The following VPS13C variants were observed in gnomAD, a reference collection of about 807,000 sequenced individuals.
VPS13C encodes the protein vacuolar protein sorting 13 homolog C.
In VPS13C, 358 loss-of-function variants were observed where a neutral mutation model predicts 456.8. The observed-to-expected ratio is 0.78, with a 90% CI of 0.72 to 0.86. VPS13C has a LOEUF of 0.86. Ranked by LOEUF, VPS13C falls within the 40% of genes least tolerant of loss-of-function variation. VPS13C has a pLI of 0.00. For synonymous variants in VPS13C, 1,578 were observed against 1,486.7 expected, an observed-to-expected ratio of 1.06 and a Z score of -1.41; for missense variants, 4,818 against 4,385.4, an observed-to-expected ratio of 1.10 and a Z score of -2.79.
At chr15:61,997,652 A>C (rs1453185864) in intron 16 of VPS13C, among the ~76,000 whole-genome samples, 1 of 152,148 alleles carries the variant, frequency 6.6e-6, no homozygotes, top group Non-Finnish European at 1.5e-5. Context: ...AAATATTTAA[A>C]GGCATTTTTT....
At chr15:61,923,298 A>T (rs1273039442) in intron 53 of VPS13C, among the ~76,000 whole-genome samples, 1 of 151,854 alleles carries the variant, frequency 6.6e-6, no homozygotes, top group African/African-American at 2.4e-5. Context: ...TTACCCCAAG[A>T]TCTATAAATC....
intron 5 of VPS13C, among the ~76,000 whole-genome samples, chr15:62,033,169 T>G (rs751039723): frequency 9.9e-5 from 15 of 151,546 alleles, no homozygotes; most frequent in African/African-American, 3.4e-4. Flanking sequence ...TACTGAAAAT[T>G]TGGAAAGTCT....
chr15:61,958,942 A>T (rs186391276), intron 36 of VPS13C, among the ~76,000 whole-genome samples: 170 of 152,170 alleles, frequency 1.1e-3, no homozygotes, highest in Non-Finnish European at 1.9e-3. Context: ...GTAATTTATC[A>T]GTCAGTATTG....
intron 37 of VPS13C, 34 bp downstream of exon 37, chr15:61,958,574 A>G: frequency 8.8e-7 from 1 of 1,136,020 alleles, no homozygotes. Flanking sequence ...AAATAGACAC[A>G]TATGTATATT....
At chr15:62,012,015 C>T in intron 12 of VPS13C, 92 bp downstream of exon 12, 2 of 771,222 alleles carry the variant, frequency 2.6e-6, no homozygotes, top group East Asian at 3.0e-5. Context: ...TATACTTTGA[C>T]TAAGTAAGTT....
At chr15:61,993,655 C>T (rs1214614787) in intron 16 of VPS13C, among the ~76,000 whole-genome samples, 1 of 151,988 alleles carries the variant, frequency 6.6e-6, no homozygotes, top group Non-Finnish European at 1.5e-5. Flanking sequence ...ATTAGGAAAG[C>T]ACACAATCAA....
chr15:62,049,257 G>A (rs1346600334), intron 1 of VPS13C, among the ~76,000 whole-genome samples: 3 of 151,984 alleles, frequency 2.0e-5, no homozygotes, highest in African/African-American at 7.3e-5. Flanking sequence ...TAAGTCTTTA[G>A]TCCATCTTGA....
At chr15:61,882,819 AT>A in intron 68 of VPS13C, 83 bp from the exon 69 acceptor site, 1 of 1,390,378 alleles carries the variant, frequency 7.2e-7, no homozygotes. Flanking sequence ...TATTGATCAA[AT>A]TGAAAAAATC....
At chr15:62,056,343 G>C (rs1274448722) in intron 1 of VPS13C, among the ~76,000 whole-genome samples, 1 of 152,052 alleles carries the variant, frequency 6.6e-6, no homozygotes, top group African/African-American at 2.4e-5. Context: ...TCATAACCTA[G>C]GAAAAACCAG....
In VPS13C at chr15:61,863,777, T is replaced by C. The variant is rs80323312; in HGVS notation, c.10864-249A>G. ...AAGTGGTCTTCTGGTAAAATACATTTTGTTCTGTAGTAACTTAGAAATATT... is the reference window on the plus strand; with the variant it reads ...AAGTGGTCTTCTGGTAAAATACATTCTGTTCTGTAGTAACTTAGAAATATT... On this transcript the variant is annotated intron_variant, in intron 81 of 84. Transcript: ENST00000644861. The C allele has an allele frequency of 9.2e-3, 2,980 of 322,278 alleles. 102 individuals are homozygous for C. Among genetic ancestry groups the C allele is most frequent in the African/African-American group, 0.06 (2,756 of 46,170 alleles). 20.0% of individuals were successfully genotyped at this position (322,278 alleles called of 1,614,324 possible). A position where few individuals can be genotyped will look rare whatever the true frequency, so the allele number is the denominator to read the frequency against.
In VPS13C at chr15:61,882,844, C is replaced by A. The variant is rs547701208; in HGVS notation, c.9484-108G>T. The A allele has an allele frequency of 5.2e-5, 63 of 1,200,410 alleles. No homozygotes were observed. In the South Asian group the frequency reaches 1.2e-3, roughly 23 times the overall value. The allele number at this position is 1,200,410 out of a possible 1,614,324, so 74.4% of individuals were successfully genotyped here. Reference sequence around the variant, plus strand: ...ATTGAAAAAATCTTTATCTTTATGTCTCACCAACAGATCTATCTTAAGGTG... The same window carrying A: ...ATTGAAAAAATCTTTATCTTTATGTATCACCAACAGATCTATCTTAAGGTG... On this transcript the variant is annotated intron_variant, in intron 68 of 84. Coordinates refer to ENST00000644861, the MANE Select transcript of VPS13C (RefSeq NM_020821.3).
intron 45 of VPS13C, among the ~76,000 whole-genome samples, chr15:61,944,837 A>C (rs1216920408): frequency 6.6e-6 from 1 of 152,218 alleles, no homozygotes; most frequent in Non-Finnish European, 1.5e-5. Flanking sequence ...TTTCTTTGAA[A>C]AAAAAATATG....
intron 66 of VPS13C, chr15:61,906,795 C>A: frequency 5.9e-6 from 1 of 170,156 alleles, no homozygotes; most frequent in Non-Finnish European, 1.3e-5. Flanking sequence ...TTAATCAACT[C>A]AGCTACCTAA....
chr15:62,018,793 T>C (rs2047352100), intron 9 of VPS13C, among the ~76,000 whole-genome samples: 1 of 152,198 alleles, frequency 6.6e-6, no homozygotes, highest in Non-Finnish European at 1.5e-5. Flanking sequence ...AGGATGCTGC[T>C]GGACTCATAA....
intron 36 of VPS13C, among the ~76,000 whole-genome samples, 173 bp downstream of exon 36, chr15:61,959,275 T>C (rs2045112703): frequency 2.0e-5 from 3 of 152,136 alleles, no homozygotes. Context: ...TAAGAAATCT[T>C]AACTAAAGAT....
intron 23 of VPS13C, among the ~76,000 whole-genome samples, chr15:61,978,182 C>G (rs987399347): frequency 1.3e-5 from 2 of 151,972 alleles, no homozygotes; most frequent in African/African-American, 2.4e-5. Context: ...TCTCAGATAT[C>G]TACAAAAGTA....
intron 1 of VPS13C, among the ~76,000 whole-genome samples, chr15:62,058,713 T>C (rs1371313227): frequency 1.3e-5 from 2 of 152,180 alleles, no homozygotes; most frequent in African/African-American, 4.8e-5. Flanking sequence ...TATTGTATTG[T>C]TGGGCAAACC....
intron 16 of VPS13C, among the ~76,000 whole-genome samples, chr15:61,996,994 C>T (rs191777860): frequency 0.046 from 6,457 of 141,778 alleles, 285 homozygotes; most frequent in African/African-American, 0.11. Flanking sequence ...ATTTTACATA[C>T]ATACATATAT....
Position 61,961,876 on chromosome 15 carries a change from G to A in VPS13C, c.3621C>T (p.Phe1207=). The A allele has an allele frequency of 6.2e-7, 1 of 1,611,444 alleles. No homozygotes were observed. The highest frequency in any genetic ancestry group is 1.3e-5 in the African/African-American group (1 of 74,858). ...LMSLLNFLNN[F]QTAKESLSAA... ...CACTCAGAGACTCTTTGGCTGTCTG[G>A]AAATTATTCAGGAAGTTCTGTGGAC... Residue 1207 remains phenylalanine, a synonymous_variant, in exon 35 of 85, where the codon TTC becomes TTT. Transcript: ENST00000644861.
Sources: allele counts gnomAD v4.1 joint callset (sites outside exome capture counted in the v4.1 genomes callset), GRCh38; gene constraint gnomAD v4.1.1; transcripts MANE v1.5; gene names NCBI Gene and HGNC (gene_info 2026-07-23, HGNC 2026-07-21).